Variants in PTPN1 observed in about 807,000 individuals in gnomAD.
The protein encoded by PTPN1 is tyrosine-protein phosphatase non-receptor type 1.
PTPN1 carries 12 observed loss-of-function variants against 59.9 expected under a neutral mutation model. The ratio of observed to expected loss-of-function variants is 0.20; its 90% CI spans 0.13 to 0.32. PTPN1 has a LOEUF of 0.32. Among genes scored for constraint, PTPN1 ranks in the 10% least tolerant of loss-of-function variants. The probability of loss-of-function intolerance (pLI) is 1.00; values close to 1 mark genes in which losing one functional copy is unlikely to be tolerated. For missense variants in PTPN1, 356 were observed against 549.2 expected (o/e 0.65, Z 3.52); for synonymous variants, 178 against 203.6 (o/e 0.87, Z 1.07).
chr20:50,525,307 C>T (rs1052474877), intron 1 of PTPN1, among the ~76,000 whole-genome samples: 9 of 152,208 alleles, frequency 5.9e-5, no homozygotes, highest in African/African-American at 9.7e-5. Context: ...GCGATCCGCC[C>T]GCCTCGGCCT....
chr20:50,583,541 T>C lies in PTPN1; in HGVS notation c.*826T>C, dbSNP rs1000950806. 5 of 152,290 alleles carry C rather than the reference T, an allele frequency of 3.3e-5. No homozygotes were observed. The highest frequency in any genetic ancestry group is 1.2e-4 in the African/African-American group (5 of 41,454). 9.4% of individuals were successfully genotyped at this position (152,290 alleles called of 1,614,324 possible). A position where few individuals can be genotyped will look rare whatever the true frequency, so the allele number is the denominator to read the frequency against. On this transcript the variant is annotated 3_prime_UTR_variant, in exon 10 of 10. Transcript: ENST00000371621. ...TTGTGTCCTGATGAAAAATATGTGC[T>C]TGAAATGAGAAACTTTGATCTCTGC... is the stretch of plus-strand genomic sequence containing the variant.
At chr20:50,514,301 A>T (rs2082519610) in intron 1 of PTPN1, among the ~76,000 whole-genome samples, 1 of 152,192 alleles carries the variant, frequency 6.6e-6, no homozygotes, top group South Asian at 2.1e-4. Flanking sequence ...ATAGCTCCTC[A>T]AAACCTATTA....
intron 1 of PTPN1, among the ~76,000 whole-genome samples, chr20:50,511,937 A>C (rs916573729): frequency 3.3e-5 from 5 of 152,234 alleles, no homozygotes; most frequent in African/African-American, 4.8e-5. Flanking sequence ...AAAAAGGTTT[A>C]AGCAGTTCTT....
At chr20:50,576,099 A>G (rs1441402665) in intron 5 of PTPN1, among the ~76,000 whole-genome samples, 2 of 152,198 alleles carry the variant, frequency 1.3e-5, no homozygotes, top group African/African-American at 4.8e-5. Context: ...CAGCCCTGCC[A>G]TAGCCCTGAT....
intron 1 of PTPN1, among the ~76,000 whole-genome samples, chr20:50,553,156 A>G (rs2082710888): frequency 6.6e-6 from 1 of 152,206 alleles, no homozygotes; most frequent in Non-Finnish European, 1.5e-5. Flanking sequence ...GACACACAGT[A>G]GGCCCTTTAT....
At chr20:50,566,813 T>C (rs1306218736) in intron 3 of PTPN1, among the ~76,000 whole-genome samples, 1 of 152,064 alleles carries the variant, frequency 6.6e-6, no homozygotes, top group East Asian at 1.9e-4. Context: ...GGGGTGGTGC[T>C]GGGAGTTAGG....
At chr20:50,563,000 T>A (rs569131200) in intron 2 of PTPN1, 152 of 152,204 alleles carry the variant, frequency 1.0e-3, no homozygotes, top group African/African-American at 3.5e-3. Flanking sequence ...TTTAAAATAT[T>A]CTTCCAGGGG....
intron 1 of PTPN1, among the ~76,000 whole-genome samples, chr20:50,554,108 C>T (rs898622754): frequency 1.3e-5 from 2 of 152,158 alleles, no homozygotes; most frequent in Non-Finnish European, 2.9e-5. Context: ...AACAAAACCA[C>T]AGTAGGCCTG....
intron 1 of PTPN1, among the ~76,000 whole-genome samples, chr20:50,537,406 A>G (rs893120200): frequency 1.8e-4 from 28 of 152,194 alleles, no homozygotes; most frequent in Admixed American, 2.0e-4. Flanking sequence ...TCCCCCATCC[A>G]CTGCCCATAA....
At chr20:50,528,937 G>A (rs2082589236) in intron 1 of PTPN1, among the ~76,000 whole-genome samples, 1 of 152,054 alleles carries the variant, frequency 6.6e-6, no homozygotes, top group Non-Finnish European at 1.5e-5. Context: ...CCTTTTTATA[G>A]TAATTTTCTG....
intron 4 of PTPN1, 166 bp from the exon 5 acceptor site, chr20:50,574,350 AC>A: frequency 1.6e-6 from 1 of 637,764 alleles, no homozygotes; most frequent in Non-Finnish European, 2.5e-6. Flanking sequence ...TCGTGCCCCC[AC>A]CCCCATCTCC....
chr20:50,539,670 A>T (rs1401680417), intron 1 of PTPN1, among the ~76,000 whole-genome samples: 1 of 107,812 alleles, frequency 9.3e-6, no homozygotes, highest in African/African-American at 3.3e-5. Context: ...TTTTTTTTTT[A>T]AACAGACAGG....
rs557442762 is a variant in PTPN1 at position 50,582,391 on chromosome 20, A to G, written c.1285-301A>G. Reference sequence around the variant, plus strand: ...TGTTGCTGTTAAGTAAGGGGAAGAGAGAGGACTAGCCTCAGAGCTCTGGCC... The same window carrying G: ...TGTTGCTGTTAAGTAAGGGGAAGAGGGAGGACTAGCCTCAGAGCTCTGGCC... On this transcript the variant is annotated intron_variant, in intron 9 of 9. Transcript: ENST00000371621. The surrounding 1 kb of genome is among the most constrained non-coding windows in gnomAD (Gnocchi z 4.2). Among the ~76,000 whole-genome samples, 9 of 152,362 alleles carry G rather than the reference A, an allele frequency of 5.9e-5. No homozygotes were observed. Among genetic ancestry groups the G allele is most frequent in the Admixed American group, 5.2e-4 (8 of 15,312 alleles).
intron 1 of PTPN1, among the ~76,000 whole-genome samples, chr20:50,525,188 T>C (rs951038726): frequency 3.3e-5 from 5 of 151,950 alleles, no homozygotes; most frequent in Non-Finnish European, 7.4e-5. Context: ...GCCTCCTGAG[T>C]AGCTGGGATT....
rs1461326636 is a variant in PTPN1 at position 50,510,415 on chromosome 20, G to A, written c.-113G>A. ...AGCAGCAGCGGCTAGGGCGGCGGTAGCTGCAGGGGTCGGGGATTGCAGCGG... is the reference window on the plus strand; with the variant it reads ...AGCAGCAGCGGCTAGGGCGGCGGTAACTGCAGGGGTCGGGGATTGCAGCGG... On this transcript the variant is annotated 5_prime_UTR_variant, in exon 1 of 10. It removes the in-frame stop codon of an upstream open reading frame in the 5' UTR. Coordinates refer to ENST00000371621, the MANE Select transcript of PTPN1 (RefSeq NM_002827.4). 2.5e-6 allele frequency: 3 copies of A among 1,181,124 alleles called. No individual in the cohort carries two copies. Among genetic ancestry groups the A allele is most frequent in the African/African-American group, 3.2e-5 (2 of 62,348 alleles). 73.2% of individuals were successfully genotyped at this position (1,181,124 alleles called of 1,614,324 possible).
intron 1 of PTPN1, among the ~76,000 whole-genome samples, chr20:50,559,030 ATTTTTT>A (rs35277786): frequency 3.3e-5 from 4 of 119,464 alleles, no homozygotes; most frequent in African/African-American, 6.7e-5. Flanking sequence ...ACGTCAGGGA[ATTTTTT>A]TTTTTTTTTT....
Position 50,520,304 on chromosome 20 carries a change from G to A in PTPN1, c.63+9714G>A, listed in dbSNP as rs377569693. ...GAGAATCGCTTGAATCTGGGAGGCG[G>A]AGGTTGCATTGAGCCGAGATCATAC... On this transcript the variant is annotated intron_variant, in intron 1 of 9. Coordinates refer to ENST00000371621, the MANE Select transcript of PTPN1 (RefSeq NM_002827.4). 4.4e-3 allele frequency among the ~76,000 whole-genome samples: 673 copies of A among 151,678 alleles called. 1 individual carries two copies. The highest frequency in any genetic ancestry group is 7.1e-3 in the Non-Finnish European group (480 of 67,954).
chr20:50,529,939 A>G (rs2082593456), intron 1 of PTPN1, among the ~76,000 whole-genome samples: 1 of 152,062 alleles, frequency 6.6e-6, no homozygotes, highest in Admixed American at 6.6e-5. Flanking sequence ...CAGTGGCTCA[A>G]TCTCGGCTCA....
At chr20:50,527,344 A>G (rs1448731782) in intron 1 of PTPN1, among the ~76,000 whole-genome samples, 1 of 151,624 alleles carries the variant, frequency 6.6e-6, no homozygotes, top group Non-Finnish European at 1.5e-5. Flanking sequence ...AGCCACTGAA[A>G]TAATTTTTTT....
Sources: allele counts gnomAD v4.1 joint callset (sites outside exome capture counted in the v4.1 genomes callset), GRCh38; gene constraint gnomAD v4.1.1; non-coding constraint Gnocchi (gnomAD v3.1); transcripts MANE v1.5; gene names NCBI Gene and HGNC (gene_info 2026-07-23, HGNC 2026-07-21).